NTNG1: variants seen among roughly 807,000 people sequenced by gnomAD.
NTNG1 encodes netrin-G1.
In NTNG1, 16 loss-of-function variants were observed where a neutral mutation model predicts 54.0. The observed-to-expected ratio is 0.30, with a 90% CI of 0.20 to 0.45. NTNG1 has a LOEUF of 0.45. Among genes scored for constraint, NTNG1 ranks in the 20% least tolerant of loss-of-function variants. NTNG1 has a pLI of 1.00. For synonymous variants in NTNG1, 255 were observed against 263.1 expected (o/e 0.97, Z 0.30); for missense variants, 530 against 678.7 (o/e 0.78, Z 2.43).
chr1:107,185,888 T>C (rs1657425047), intron 2 of NTNG1, among the ~76,000 whole-genome samples: 1 of 152,060 alleles, frequency 6.6e-6, no homozygotes, highest in East Asian at 1.9e-4. Context: ...AAAACTTGTA[T>C]ACGTTTAAAG....
At chr1:107,223,550 G>C (rs1360802894) in intron 2 of NTNG1, among the ~76,000 whole-genome samples, 2 of 152,138 alleles carry the variant, frequency 1.3e-5, no homozygotes, top group African/African-American at 4.8e-5. Context: ...GTAAAATATA[G>C]TATAAATCAG....
intron 2 of NTNG1, among the ~76,000 whole-genome samples, chr1:107,186,971 A>G (rs1023008740): frequency 6.6e-5 from 10 of 152,146 alleles, no homozygotes; most frequent in Non-Finnish European, 1.3e-4. Context: ...TAATGTTCCC[A>G]AATCATACTG....
Position 107,336,291 on chromosome 1 carries a change from T to C in NTNG1, c.887+11369T>C, listed in dbSNP as rs1668574001. Among the ~76,000 whole-genome samples, 6 of 150,844 alleles carry C rather than the reference T, an allele frequency of 4.0e-5. No individual in the cohort carries two copies. In the South Asian group the frequency reaches 1.3e-3, roughly 32 times the overall value. ...CGAACCAAAGAAATAGAATAGACAG[T>C]CCCAAAATAAACCCTCACATGTATG... is the stretch of plus-strand genomic sequence containing the variant. On this transcript the variant is annotated intron_variant, in intron 3 of 7. Coordinates refer to ENST00000370068, the MANE Select transcript of NTNG1 (RefSeq NM_001113226.3).
intron 2 of NTNG1, among the ~76,000 whole-genome samples, chr1:107,184,562 TA>T (rs1237530265): frequency 6.6e-6 from 1 of 152,070 alleles, no homozygotes; most frequent in Non-Finnish European, 1.5e-5. Context: ...GGAGTTCCTT[TA>T]AAAAAACTTC....
At chr1:107,347,957 G>A (rs11582399) in intron 3 of NTNG1, among the ~76,000 whole-genome samples, 1 of 152,094 alleles carries the variant, frequency 6.6e-6, no homozygotes, top group Non-Finnish European at 1.5e-5. Context: ...TTGACACGTG[G>A]TGATCATGAG....
At chr1:107,257,082 G>A (rs1202739346) in intron 2 of NTNG1, among the ~76,000 whole-genome samples, 1 of 152,064 alleles carries the variant, frequency 6.6e-6, no homozygotes, top group Non-Finnish European at 1.5e-5. Flanking sequence ...TGCTAAATTA[G>A]AAAGGTAAAT....
chr1:107,207,422 G>C (rs1659276470), intron 2 of NTNG1, among the ~76,000 whole-genome samples: 1 of 152,188 alleles, frequency 6.6e-6, no homozygotes, highest in African/African-American at 2.4e-5. Flanking sequence ...AAATACTGTA[G>C]CTGTGAAGGT....
intron 2 of NTNG1, among the ~76,000 whole-genome samples, chr1:107,314,340 AG>A (rs2101846544): frequency 6.6e-6 from 1 of 152,302 alleles, no homozygotes; most frequent in South Asian, 2.1e-4. Context: ...CAGAGGTTGC[AG>A]TGAGCCAAGA....
intron 3 of NTNG1, among the ~76,000 whole-genome samples, chr1:107,345,633 G>C (rs1173998564): frequency 6.6e-6 from 1 of 152,038 alleles, no homozygotes; most frequent in African/African-American, 2.4e-5. Context: ...GCTGATAACT[G>C]GCCCTCATCT....
intron 3 of NTNG1, among the ~76,000 whole-genome samples, chr1:107,377,801 C>T (rs1671391028): frequency 2.0e-5 from 3 of 152,232 alleles, no homozygotes; most frequent in African/African-American, 4.8e-5. Context: ...GATGTGCAAA[C>T]GAGGCATCAG....
intron 2 of NTNG1, among the ~76,000 whole-genome samples, chr1:107,319,100 C>T (rs1242644281): frequency 6.6e-6 from 1 of 152,128 alleles, no homozygotes; most frequent in Non-Finnish European, 1.5e-5. Context: ...CTCCCCAATG[C>T]CAGTAACTAA....
intron 7 of NTNG1, among the ~76,000 whole-genome samples, chr1:107,475,617 C>T (rs146267352): frequency 5.0e-4 from 76 of 152,326 alleles, no homozygotes; most frequent in African/African-American, 1.8e-3. Context: ...CACCTGAAAA[C>T]TTACTATCTT....
At chr1:107,401,392 T>C (rs1199765780) in intron 4 of NTNG1, among the ~76,000 whole-genome samples, 1 of 152,206 alleles carries the variant, frequency 6.6e-6, no homozygotes, top group Non-Finnish European at 1.5e-5. Flanking sequence ...TGATCTATTG[T>C]CTGTGGTCCC....
At chr1:107,179,586 T>G (rs1255284652) in intron 2 of NTNG1, among the ~76,000 whole-genome samples, 1 of 152,134 alleles carries the variant, frequency 6.6e-6, no homozygotes, top group Non-Finnish European at 1.5e-5. Context: ...AGTAGATTTG[T>G]TTTTGTTTTT....
intron 2 of NTNG1, among the ~76,000 whole-genome samples, chr1:107,316,186 T>C (rs1220568952): frequency 1.3e-5 from 2 of 152,174 alleles, no homozygotes; most frequent in African/African-American, 2.4e-5. Flanking sequence ...GCACACCAGA[T>C]GCTGTTATCA....
At chr1:107,311,802 C>CA (rs150318728) in intron 2 of NTNG1, among the ~76,000 whole-genome samples, 13,089 of 151,824 alleles carry the variant, frequency 0.086, 681 homozygotes, top group Middle Eastern at 0.14. Context: ...AGGAGAGATA[C>CA]AAAAAAAATC....
At chr1:107,265,590 G>C (rs1663680990) in intron 2 of NTNG1, among the ~76,000 whole-genome samples, 1 of 152,188 alleles carries the variant, frequency 6.6e-6, no homozygotes, top group Non-Finnish European at 1.5e-5. Context: ...CTATCTGTTA[G>C]GTGATTTAAT....
At position 107,480,770 on chromosome 1, in the gene NTNG1, C is replaced by G; in HGVS notation, c.1550C>G (p.Pro517Arg). ...GGCTCCGACTCTGGCCAGGGCGCGC[C>G]CCCGCACGGCTCCCCAGCGCTGCTG... ...SCGSDSGQGAPPHGSPALLLL... is the reference protein window; with the variant it reads ...SCGSDSGQGARPHGSPALLLL... Residue 517 changes from proline to arginine, a missense_variant, in exon 8 of 8, where the codon CCC (proline) becomes CGC (arginine). Physicochemically the swap from Pro to Arg is moderately radical, Grantham distance 103. This residue lies in a region of NTNG1 where 212 missense variants were observed against 213.6 expected (regional missense o/e 0.99). Transcript: ENST00000370068. 1 of 1,602,864 alleles carries G rather than the reference C, an allele frequency of 6.2e-7. No individual in the cohort carries two copies.
intron 5 of NTNG1, chr1:107,410,026 G>C (rs553521399): frequency 6.6e-6 from 1 of 152,290 alleles, no homozygotes; most frequent in African/African-American, 2.4e-5. Flanking sequence ...GTGCAAGCCA[G>C]AGAAAAGGAA....
Sources: gnomAD v4.1 joint callset for allele counts (sites outside exome capture counted in the v4.1 genomes callset) on GRCh38, gnomAD v4.1.1 for gene constraint, gnomAD v4.1.1 regional missense constraint, MANE v1.5 for transcripts, NCBI Gene and HGNC (gene_info 2026-07-23, HGNC 2026-07-21) for gene names.